SPAG6: variants seen among roughly 807,000 people sequenced by gnomAD.
SPAG6 encodes the protein sperm-associated antigen 6.
A neutral mutation model predicts 58.5 loss-of-function variants in SPAG6; 49 were observed. That is an observed-to-expected ratio of 0.84 (90% confidence interval 0.67 to 1.06). The LOEUF is 1.06. Among genes scored for constraint, SPAG6 ranks in the 50% least tolerant of loss-of-function variants. SPAG6 has a pLI of 0.00. For missense variants in SPAG6, 560 were observed against 611.3 expected (o/e 0.92, Z 0.89); for synonymous variants, 233 against 225.6 (o/e 1.03, Z -0.29).
intron 9 of SPAG6, among the ~76,000 whole-genome samples, chr10:22,403,081 A>C (rs1248330464): frequency 1.3e-5 from 2 of 152,158 alleles, no homozygotes; most frequent in African/African-American, 4.8e-5. Context: ...TAAATACAGT[A>C]CTGTATCATA....
chr10:22,412,451 C>A lies in SPAG6; in HGVS notation c.1460+1275C>A, dbSNP rs770141799. The stretch of plus-strand genomic sequence containing the variant: ...TCCACATATTTTTACCCAGTAAATT[C>A]TTTCCAGAGTTGCAAGTTTGTGCAC... On this transcript the variant is annotated intron_variant, in intron 10 of 10. Coordinates refer to ENST00000376624, the MANE Select transcript of SPAG6 (RefSeq NM_012443.4). 254 of 1,522,386 alleles carry A rather than the reference C, an allele frequency of 1.7e-4. 1 individual carries two copies. The highest frequency in any genetic ancestry group is 1.2e-3 in the Middle Eastern group (7 of 5,854). 94.3% of individuals were successfully genotyped at this position (1,522,386 alleles called of 1,614,324 possible).
chr10:22,370,581 A>G (rs2132057359), intron 4 of SPAG6, among the ~76,000 whole-genome samples: 1 of 152,366 alleles, frequency 6.6e-6, no homozygotes, highest in African/African-American at 2.4e-5. Flanking sequence ...TCCTATGGTT[A>G]TATTTAATTT....
At chr10:22,356,328 A>G (rs1304724237) in intron 2 of SPAG6, among the ~76,000 whole-genome samples, 1 of 152,226 alleles carries the variant, frequency 6.6e-6, no homozygotes, top group East Asian at 1.9e-4. Context: ...ATATCAATCT[A>G]TGTGAACGGC....
Position 22,416,640 on chromosome 10 carries a change from A to G in SPAG6, c.1482A>G (p.Ser494=), listed in dbSNP as rs754623575. 1 of 1,607,976 alleles carries G rather than the reference A, an allele frequency of 6.2e-7. No individual in the cohort carries two copies. Among genetic ancestry groups the G allele is most frequent in the South Asian group, 1.1e-5 (1 of 90,908 alleles). ...TCAGGTATTATTCCCCTGGATATTC[A>G]GATACACTTCTGCAGAGGGTGGACA... is the stretch of plus-strand genomic sequence containing the variant. The part of the protein sequence containing the change: ...EIVRYYSPGY[S]DTLLQRVDSY... Residue 494 remains serine (S), a synonymous_variant, in exon 11 of 11, where the codon TCA becomes TCG. Transcript: ENST00000376624.
chr10:22,392,962 A>G (rs1028847067), intron 8 of SPAG6, among the ~76,000 whole-genome samples: 2 of 152,108 alleles, frequency 1.3e-5, no homozygotes, highest in African/African-American at 4.8e-5. Context: ...TTTCTAGACC[A>G]ACAATTATTT....
intron 8 of SPAG6, among the ~76,000 whole-genome samples, chr10:22,400,838 A>C (rs1170382744): frequency 6.6e-6 from 1 of 152,100 alleles, no homozygotes; most frequent in Non-Finnish European, 1.5e-5. Context: ...CCTGTATACA[A>C]ATTTTTACTC....
In SPAG6 at chr10:22,389,501, C is replaced by T. The variant is rs534770712; in HGVS notation, c.1005+189C>T. Among the ~76,000 whole-genome samples, 3 of 152,314 alleles carry T rather than the reference C, an allele frequency of 2.0e-5. No homozygotes were observed. The South Asian group carries it at 6.2e-4, about 32-fold the overall frequency. On this transcript the variant is annotated intron_variant, in intron 7 of 10. Coordinates refer to ENST00000376624, the MANE Select transcript of SPAG6 (RefSeq NM_012443.4). Reference sequence around the variant, plus strand: ...AGGTAATGGGAAGTTTAAAGTTTTACTCAGCGTTTCTCATCAACAGGATAT... The same window carrying T: ...AGGTAATGGGAAGTTTAAAGTTTTATTCAGCGTTTCTCATCAACAGGATAT...
chr10:22,397,214 ACACACACACG>A, intron 8 of SPAG6, among the ~76,000 whole-genome samples: 1 of 151,994 alleles, frequency 6.6e-6, no homozygotes, highest in South Asian at 2.1e-4. Context: ...ACACAGACAC[ACACACACACG>A]CACACACACA....
At chr10:22,365,107 C>T (rs1007899867) in intron 3 of SPAG6, 88 bp downstream of exon 3, 19 of 880,214 alleles carry the variant, frequency 2.2e-5, no homozygotes, top group Non-Finnish European at 3.2e-5. Flanking sequence ...AGCCTGTAGG[C>T]ATAAAATTAT....
At chr10:22,379,762 A>G (rs1203420443) in intron 4 of SPAG6, among the ~76,000 whole-genome samples, 1 of 152,254 alleles carries the variant, frequency 6.6e-6, no homozygotes, top group Non-Finnish European at 1.5e-5. Flanking sequence ...GTAGATAACT[A>G]AACCAGTTGT....
intron 10 of SPAG6, chr10:22,413,036 G>A (rs1211416591): frequency 2.7e-5 from 3 of 113,052 alleles, no homozygotes; most frequent in African/African-American, 1.2e-4. Context: ...AACTTTCAAT[G>A]CAATTTTGTT....
intron 4 of SPAG6, among the ~76,000 whole-genome samples, chr10:22,376,609 A>C (rs920049206): frequency 1.3e-5 from 2 of 152,092 alleles, no homozygotes; most frequent in African/African-American, 4.8e-5. Context: ...CAGTATACAT[A>C]CATGCATGTG....
chr10:22,360,238 C>T (rs990236207), intron 2 of SPAG6, among the ~76,000 whole-genome samples: 2 of 149,590 alleles, frequency 1.3e-5, no homozygotes. Context: ...ACCCTGATAT[C>T]TTTTTTGAAT....
intron 4 of SPAG6, among the ~76,000 whole-genome samples, chr10:22,369,352 G>A (rs1170549): frequency 0.84 from 128,130 of 152,172 alleles, 54,497 homozygotes; most frequent in African/African-American, 0.95. Flanking sequence ...AATTTTCCCC[G>A]TCACTTTATA....
chr10:22,411,409 T>A (rs1326128990), intron 10 of SPAG6: 7 of 390,228 alleles, frequency 1.8e-5, no homozygotes, highest in Non-Finnish European at 2.7e-5. Context: ...TTGTACTAAT[T>A]TAACATGTGC....
intron 4 of SPAG6, among the ~76,000 whole-genome samples, chr10:22,382,577 T>G (rs1833980890): frequency 6.6e-6 from 1 of 152,138 alleles, no homozygotes; most frequent in African/African-American, 2.4e-5. Flanking sequence ...AATGATACAC[T>G]CCTTTCATAT....
Position 22,365,004 on chromosome 10 carries a change from A to G in SPAG6, c.273A>G (p.Ser91=), listed in dbSNP as rs749993867. 6.2e-6 allele frequency: 10 copies of G among 1,602,636 alleles called. No individual in the cohort carries two copies. In the East Asian group the frequency reaches 1.3e-4, roughly 21 times the overall value. ...KCDILPQLVY[S]LAEQNRFYKK... is the part of the protein sequence containing the mutation. Reference sequence around the variant, plus strand: ...ACATTCTTCCACAGCTTGTTTATTCATTGGCAGAACAGAATGTAAGAATTA... The same window carrying G: ...ACATTCTTCCACAGCTTGTTTATTCGTTGGCAGAACAGAATGTAAGAATTA... The change falls in exon 3 of 11, where the codon TCA becomes TCG. Residue 91 remains serine, a synonymous_variant. Transcript: ENST00000376624.
At chr10:22,414,252 G>A (rs2130653775) in intron 10 of SPAG6, among the ~76,000 whole-genome samples, 1 of 152,260 alleles carries the variant, frequency 6.6e-6, no homozygotes, top group East Asian at 1.9e-4. Context: ...CCAATTCTCT[G>A]TGGGTCTAGG....
At chr10:22,386,022 A>G (rs1834056028) in intron 4 of SPAG6, among the ~76,000 whole-genome samples, 1 of 152,180 alleles carries the variant, frequency 6.6e-6, no homozygotes, top group Admixed American at 6.5e-5. Flanking sequence ...TGTAATTTAA[A>G]GTGTGCTATT....
Sources: gnomAD v4.1 joint callset for allele counts (sites outside exome capture counted in the v4.1 genomes callset) on GRCh38, gnomAD v4.1.1 for gene constraint, MANE v1.5 for transcripts, NCBI Gene and HGNC (gene_info 2026-07-23, HGNC 2026-07-21) for gene names.